Variants in SEMA3D observed in about 807,000 individuals in gnomAD.
SEMA3D encodes semaphorin-3D.
SEMA3D carries 84 observed loss-of-function variants against 100.1 expected under a neutral mutation model. That is an observed-to-expected ratio of 0.84 (90% CI 0.70 to 1.01). SEMA3D has a LOEUF of 1.01. Ranked by LOEUF, SEMA3D falls within the 50% of genes least tolerant of loss-of-function variation. The pLI, the probability that SEMA3D is intolerant of heterozygous loss-of-function variation, is 0.00. For missense variants in SEMA3D, 875 were observed against 934.1 expected (o/e 0.94, Z 0.82); for synonymous variants, 312 against 320.7 (o/e 0.97, Z 0.29).
intron 9 of SEMA3D, among the ~76,000 whole-genome samples, chr7:85,049,633 T>C (rs1791105629): frequency 6.6e-6 from 1 of 151,888 alleles, no homozygotes; most frequent in Non-Finnish European, 1.5e-5. Context: ...TCATTTAGGT[T>C]GTAAGTGACA....
In SEMA3D at chr7:85,097,918, C is replaced by T. The variant is rs770554362; in HGVS notation, c.199G>A (p.Gly67Arg). ...AAGAGAAGAGTTTGAAAATCCAGTC[C>T]TTCTGATGAACCCAAAAAGGGAATA... ...SCIPFLGSSE[G>R]LDFQTLLLDE... Residue 67 changes from glycine (G) to arginine (R), a missense_variant, in exon 4 of 19, where the codon GGA (glycine) becomes AGA (arginine). Coordinates refer to ENST00000284136, the MANE Select transcript of SEMA3D (RefSeq NM_001384900.1). The T allele has an allele frequency of 2.5e-6, 4 of 1,608,352 alleles. No homozygotes were observed. The highest frequency in any genetic ancestry group is 3.4e-6 in the Non-Finnish European group (4 of 1,176,694).
At chr7:85,096,652 G>A (rs547754079) in intron 4 of SEMA3D, among the ~76,000 whole-genome samples, 19 of 151,850 alleles carry the variant, frequency 1.3e-4, no homozygotes, top group Non-Finnish European at 2.4e-4. Context: ...TTACTTAAAA[G>A]TTAATTGACT....
At chr7:85,164,009 T>TA (rs1790821549) in intron 1 of SEMA3D, among the ~76,000 whole-genome samples, 2 of 152,174 alleles carry the variant, frequency 1.3e-5, no homozygotes, top group African/African-American at 2.4e-5. Context: ...ATGTTTACTA[T>TA]GAAATAAACT....
intron 2 of SEMA3D, chr7:85,142,473 A>G (rs1451595138): frequency 1.0e-6 from 1 of 979,202 alleles, no homozygotes; most frequent in East Asian, 1.1e-4. Flanking sequence ...TCAGGGAAAT[A>G]AGGCATCTAG....
chr7:85,138,489 T>G (rs2116454364), intron 2 of SEMA3D, among the ~76,000 whole-genome samples: 1 of 151,532 alleles, frequency 6.6e-6, no homozygotes, highest in African/African-American at 2.4e-5. Flanking sequence ...TTCTTATTTT[T>G]TTGTTTTGCT....
the SEMA3D span, among the ~76,000 whole-genome samples, chr7:85,230,641 C>G: frequency 6.6e-6 from 1 of 152,130 alleles, no homozygotes; most frequent in Non-Finnish European, 1.5e-5. Context: ...CCTCCTTGCT[C>G]ATTTACTTTG....
intron 12 of SEMA3D, chr7:85,028,384 CAAA>C (rs61589019): frequency 0.045 from 8,158 of 181,368 alleles, no homozygotes; most frequent in South Asian, 0.076. Flanking sequence ...ACAGTTTAGA[CAAA>C]AAAAAAAAAA....
chr7:85,156,101 A>ATTTT (rs3078417), intron 1 of SEMA3D, among the ~76,000 whole-genome samples: 1 of 142,296 alleles, frequency 7.0e-6, no homozygotes, highest in Non-Finnish European at 1.5e-5. Flanking sequence ...AATATAAGTG[A>ATTTT]TTTTTTTTTT....
chr7:85,046,569 A>G (rs774385959), intron 9 of SEMA3D, among the ~76,000 whole-genome samples: 2 of 152,034 alleles, frequency 1.3e-5, no homozygotes, highest in African/African-American at 4.8e-5. Flanking sequence ...AGTTCCTGGG[A>G]TAATAGCACT....
the SEMA3D span, among the ~76,000 whole-genome samples, chr7:85,224,961 G>A: frequency 2.7e-5 from 4 of 148,220 alleles, no homozygotes; most frequent in Non-Finnish European, 5.9e-5. Flanking sequence ...TTTCATTTTC[G>A]AAATACAAAA....
intron 12 of SEMA3D, among the ~76,000 whole-genome samples, chr7:85,036,627 T>C (rs1050225589): frequency 6.6e-6 from 1 of 152,102 alleles, no homozygotes; most frequent in Non-Finnish European, 1.5e-5. Context: ...CCAATGATTC[T>C]ATAAACATAA....
In SEMA3D at chr7:85,086,870, T is replaced by C. The variant is rs1788232272; in HGVS notation, c.313-5291A>G. Among the ~76,000 whole-genome samples, 2 of 152,148 alleles carry C rather than the reference T, an allele frequency of 1.3e-5. 1 individual carries two copies. The highest frequency in any genetic ancestry group is 4.1e-4 in the South Asian group (2 of 4,832). On this transcript the variant is annotated intron_variant, in intron 4 of 18. Transcript: ENST00000284136. ...TGGATTATTTTAGTGGCCTAGTCAG[T>C]ACACTTTGAGATTGCGTCACTATTA...
chr7:85,160,764 G>T (rs1790724681), intron 1 of SEMA3D, among the ~76,000 whole-genome samples: 1 of 152,094 alleles, frequency 6.6e-6, no homozygotes, highest in Non-Finnish European at 1.5e-5. Flanking sequence ...ATTTCTGATG[G>T]AAGATTAAAG....
the SEMA3D span, among the ~76,000 whole-genome samples, chr7:85,249,156 A>G: frequency 6.6e-6 from 1 of 152,190 alleles, no homozygotes; most frequent in South Asian, 2.1e-4. Flanking sequence ...AGTCTTTTTA[A>G]GTGTTCTAAA....
the SEMA3D span, among the ~76,000 whole-genome samples, chr7:85,241,467 G>GTGTATATA: frequency 0.012 from 1,089 of 91,826 alleles, 74 homozygotes; most frequent in Middle Eastern, 0.025. Context: ...CTGTGTGTGT[G>GTGTATATA]TATATATATA....
chr7:85,108,301 G>T (rs182628815), intron 3 of SEMA3D, among the ~76,000 whole-genome samples: 1 of 151,888 alleles, frequency 6.6e-6, no homozygotes, highest in East Asian at 1.9e-4. Flanking sequence ...TGTTTGCCTT[G>T]GTTTATCTAC....
chr7:85,091,080 G>GAGAGAA (rs1424631575), intron 4 of SEMA3D, among the ~76,000 whole-genome samples: 7 of 132,646 alleles, frequency 5.3e-5, no homozygotes, highest in African/African-American at 2.2e-4. Flanking sequence ...GAAAGAGAAA[G>GAGAGAA]AGAGAGAAAG....
Position 85,013,437 on chromosome 7 carries a change from C to A in SEMA3D, c.1704-591G>T, listed in dbSNP as rs576103802. ...AAATTGTTTTTCTCATAGTTATGAT[C>A]ATAATAATAATAATAAACAATGGCT... On this transcript the variant is annotated intron_variant, in intron 16 of 18. Coordinates refer to ENST00000284136, the MANE Select transcript of SEMA3D (RefSeq NM_001384900.1). Among the ~76,000 whole-genome samples the A allele has an allele frequency of 4.6e-5, 7 of 151,538 alleles. No homozygotes were observed. The South Asian group carries it at 8.3e-4, about 18-fold the overall frequency.
At chr7:85,145,870 A>G (rs951539223) in intron 2 of SEMA3D, among the ~76,000 whole-genome samples, 7 of 152,114 alleles carry the variant, frequency 4.6e-5, no homozygotes, top group African/African-American at 1.7e-4. Context: ...CTCTTCCCCT[A>G]TACATTTTTT....
Sources: gnomAD v4.1 joint callset for allele counts (sites outside exome capture counted in the v4.1 genomes callset) on GRCh38, gnomAD v4.1.1 for gene constraint, MANE v1.5 for transcripts, NCBI Gene and HGNC (gene_info 2026-07-23, HGNC 2026-07-21) for gene names.